The following RERE variants were observed in gnomAD, a reference collection of about 807,000 sequenced individuals.
RERE encodes arginine-glutamic acid dipeptide repeats protein.
A neutral mutation model predicts 146.1 loss-of-function variants in RERE; 40 were observed. That is an observed-to-expected ratio of 0.27 (90% confidence interval 0.21 to 0.36). RERE has a LOEUF of 0.36. RERE is among the 10% of genes least tolerant of loss of function. The pLI, the probability that RERE is intolerant of heterozygous loss-of-function variation, is 1.00. For synonymous variants in RERE, 1,003 were observed against 866.0 expected, an observed-to-expected ratio of 1.16 and a Z score of -2.78; for missense variants, 1,933 against 2,138.7, an observed-to-expected ratio of 0.90 and a Z score of 1.90.
At chr1:8,611,165 A>G (rs1646788532) in intron 4 of RERE, among the ~76,000 whole-genome samples, 1 of 152,024 alleles carries the variant, frequency 6.6e-6, no homozygotes, top group South Asian at 2.1e-4. Flanking sequence ...ACTGCACTCC[A>G]GCCTGGGTGA....
chr1:8,644,701 G>A (rs1313582334), intron 2 of RERE, among the ~76,000 whole-genome samples: 1 of 152,072 alleles, frequency 6.6e-6, no homozygotes, highest in Admixed American at 6.6e-5. Context: ...GGACTATGTT[G>A]CCCAGGCTAG....
At chr1:8,722,983 A>G (rs967292886) in intron 1 of RERE, among the ~76,000 whole-genome samples, 3 of 152,224 alleles carry the variant, frequency 2.0e-5, no homozygotes, top group African/African-American at 7.2e-5. Context: ...AAATTCAATT[A>G]ATCAACAGAG....
In RERE at chr1:8,361,056, C is replaced by T. The variant is rs1402038964; in HGVS notation, c.2451G>A (p.Pro817=). The change falls in exon 18 of 23, where the codon CCG becomes CCA. Residue 817 remains proline (P), a synonymous_variant. Transcript: ENST00000400908. ...GCGGGGGATGTGGCGAGGGATGCGG[C>T]GGGGGATGCGGTGAGGGCGGCCGCT... ...HPQRPPSPHP[P]PHPSPHPPLQ... 21 of 1,430,262 alleles carry T rather than the reference C, an allele frequency of 1.5e-5. No individual in the cohort carries two copies. Among genetic ancestry groups the T allele is most frequent in the Middle Eastern group, 1.9e-4 (1 of 5,200 alleles). 88.6% of individuals were successfully genotyped at this position (1,430,262 alleles called of 1,614,324 possible). A position where few individuals can be genotyped will look rare whatever the true frequency, so the allele number is the denominator to read the frequency against.
intron 11 of RERE, among the ~76,000 whole-genome samples, chr1:8,459,410 G>A (rs1644496493): frequency 6.6e-6 from 1 of 152,110 alleles, no homozygotes; most frequent in Non-Finnish European, 1.5e-5. Context: ...CTGGAGGAAG[G>A]GTGGTTAGTA....
chr1:8,447,663 C>T (rs774728267), intron 11 of RERE, among the ~76,000 whole-genome samples: 7 of 152,190 alleles, frequency 4.6e-5, no homozygotes, highest in East Asian at 1.9e-4. Context: ...TGAGGAACCC[C>T]ACTTTTATGC....
Position 8,730,492 on chromosome 1 carries a change from G to A in RERE, c.-144-74051C>T, listed in dbSNP as rs565040006. Among the ~76,000 whole-genome samples the A allele has an allele frequency of 2.9e-4, 44 of 152,192 alleles. No individual in the cohort carries two copies. In the South Asian group the frequency reaches 8.5e-3, roughly 29 times the overall value. The stretch of plus-strand genomic sequence containing the variant: ...CAAGTAGCTGGGATTACAGGCATGC[G>A]TCCCCACACCCAGCTAATTTTTGTA... On this transcript the variant is annotated intron_variant, in intron 1 of 22. Coordinates refer to ENST00000400908, the MANE Select transcript of RERE (RefSeq NM_001042681.2).
intron 1 of RERE, among the ~76,000 whole-genome samples, chr1:8,802,788 C>T (rs1234789865): frequency 6.6e-6 from 1 of 151,976 alleles, no homozygotes; most frequent in Non-Finnish European, 1.5e-5. Context: ...TTCACTAAAG[C>T]ATATAATAAA....
intron 1 of RERE, among the ~76,000 whole-genome samples, chr1:8,743,974 T>C (rs4908776): frequency 0.74 from 112,215 of 152,114 alleles, 43,022 homozygotes; most frequent in East Asian, 0.95. Context: ...TTTGTTTCAC[T>C]TGCTGCTGCT....
Position 8,614,544 on chromosome 1 carries a change from A to G in RERE, c.522+17T>C. 1 of 1,601,842 alleles carries G rather than the reference A, an allele frequency of 6.2e-7. No individual in the cohort carries two copies. Among genetic ancestry groups the G allele is most frequent in the Non-Finnish European group, 8.5e-7 (1 of 1,175,632 alleles). Reference sequence around the variant, plus strand: ...ATATAAAATACTGATAGCTTTTAAAAACGGGATTCTCCTTACCCCTACAGG... The same window carrying G: ...ATATAAAATACTGATAGCTTTTAAAGACGGGATTCTCCTTACCCCTACAGG... On this transcript the variant is annotated intron_variant, in intron 4 of 22. Coordinates refer to ENST00000400908, the MANE Select transcript of RERE (RefSeq NM_001042681.2).
chr1:8,359,655 C>G, intron 19 of RERE, 109 bp downstream of exon 19: 1 of 1,233,268 alleles, frequency 8.1e-7, no homozygotes, highest in Non-Finnish European at 1.2e-6. Context: ...CCTCTAGCTG[C>G]CAGGAGGCCG....
chr1:8,465,746 T>C (rs1170703682), intron 11 of RERE, 179 bp downstream of exon 11: 1 of 685,254 alleles, frequency 1.5e-6, no homozygotes, highest in Non-Finnish European at 2.7e-6. Flanking sequence ...CTTAATAAAA[T>C]CAAGTCTTTC....
At chr1:8,505,514 A>G (rs11801257) in intron 8 of RERE, among the ~76,000 whole-genome samples, 4,295 of 152,186 alleles carry the variant, frequency 0.028, 173 homozygotes, top group African/African-American at 0.097. Context: ...GCTTTTGTAT[A>G]TGTTAATATT....
At chr1:8,386,015 TA>T (rs1473812796) in intron 12 of RERE, among the ~76,000 whole-genome samples, 11 of 41,212 alleles carry the variant, frequency 2.7e-4, no homozygotes, top group East Asian at 2.2e-3. Context: ...TATATATATA[TA>T]TATATATTTT....
At chr1:8,440,664 G>C (rs1268876888) in intron 11 of RERE, among the ~76,000 whole-genome samples, 1 of 150,098 alleles carries the variant, frequency 6.7e-6, no homozygotes, top group African/African-American at 2.5e-5. Context: ...GAGGCTGGCG[G>C]ATCACCTAAC....
At chr1:8,403,555 A>G (rs1199612031) in intron 12 of RERE, among the ~76,000 whole-genome samples, 4 of 151,020 alleles carry the variant, frequency 2.6e-5, no homozygotes, top group South Asian at 4.2e-4. Flanking sequence ...TAGTAGAGGC[A>G]GGGTTTCACC....
At chr1:8,536,161 A>G (rs2124380179) in intron 7 of RERE, among the ~76,000 whole-genome samples, 1 of 152,220 alleles carries the variant, frequency 6.6e-6, no homozygotes, top group Non-Finnish European at 1.5e-5. Flanking sequence ...GAAAATTTGT[A>G]ATTACTTCTG....
chr1:8,440,588 TA>T (rs61101850), intron 11 of RERE, among the ~76,000 whole-genome samples: 573 of 71,356 alleles, frequency 8.0e-3, no homozygotes, highest in Middle Eastern at 0.018. Flanking sequence ...AGACTCCACC[TA>T]AAAAAAAAAA....
chr1:8,641,229 C>T (rs4908769), intron 2 of RERE, among the ~76,000 whole-genome samples: 39,973 of 152,064 alleles, frequency 0.26, 5,923 homozygotes, highest in Non-Finnish European at 0.34. Context: ...TCAAATACCA[C>T]CATGCCACTT....
At chr1:8,689,063 A>G (rs1027266767) in intron 1 of RERE, among the ~76,000 whole-genome samples, 5 of 152,134 alleles carry the variant, frequency 3.3e-5, no homozygotes, top group African/African-American at 1.2e-4. Flanking sequence ...AATCTATTCC[A>G]AGCTTTTAAT....
Sources: gnomAD v4.1 joint callset for allele counts (sites outside exome capture counted in the v4.1 genomes callset) on GRCh38, gnomAD v4.1.1 for gene constraint, MANE v1.5 for transcripts, NCBI Gene and HGNC (gene_info 2026-07-23, HGNC 2026-07-21) for gene names.